Variants in DLGAP2 observed in about 807,000 individuals in gnomAD.
The protein encoded by DLGAP2 is DLG associated protein 2.
Under a neutral mutation model 100.3 loss-of-function variants are expected in DLGAP2, and 26 were observed. The ratio of observed to expected loss-of-function variants is 0.26; its 90% CI spans 0.19 to 0.36. DLGAP2 has a LOEUF of 0.36. DLGAP2 is among the 10% of genes least tolerant of loss of function. DLGAP2 has a pLI of 1.00. For missense variants in DLGAP2, 1,858 were observed against 1,453.2 expected, an observed-to-expected ratio of 1.28 and a Z score of -4.53; for synonymous variants, 886 against 630.1, an observed-to-expected ratio of 1.41 and a Z score of -6.08.
chr8:1,299,855 A>T (rs1337003051), intron 3 of DLGAP2: 2 of 152,212 alleles, frequency 1.3e-5, no homozygotes, highest in Non-Finnish European at 2.9e-5. Flanking sequence ...CTTTGTCTTA[A>T]TCTGCTGGAA....
intron 4 of DLGAP2, among the ~76,000 whole-genome samples, chr8:1,514,112 C>T (rs749300032): frequency 6.6e-6 from 1 of 152,212 alleles, no homozygotes; most frequent in Non-Finnish European, 1.5e-5. Flanking sequence ...CGTCTTGTGG[C>T]CACACGAGCA....
intron 4 of DLGAP2, among the ~76,000 whole-genome samples, chr8:1,502,341 A>T (rs570980713): frequency 6.6e-6 from 1 of 152,338 alleles, no homozygotes; most frequent in South Asian, 2.1e-4. Context: ...CAGTGCATCT[A>T]TTGCTGGTTT....
At chr8:1,280,321 C>T (rs1162922765) in intron 3 of DLGAP2, among the ~76,000 whole-genome samples, 1 of 152,136 alleles carries the variant, frequency 6.6e-6, no homozygotes, top group Non-Finnish European at 1.5e-5. Flanking sequence ...CCATCTATTT[C>T]CTTGAGATTA....
chr8:973,154 G>A (rs1203005852), intron 2 of DLGAP2, among the ~76,000 whole-genome samples: 19 of 152,188 alleles, frequency 1.2e-4, no homozygotes, highest in Non-Finnish European at 1.5e-4. Flanking sequence ...ATGGGGTGGC[G>A]GCAGGGCAGA....
chr8:1,269,877 G>A (rs1199214635), intron 3 of DLGAP2, among the ~76,000 whole-genome samples: 1 of 152,192 alleles, frequency 6.6e-6, no homozygotes, highest in Non-Finnish European at 1.5e-5. Context: ...GAAACTCGCT[G>A]AGTGACTCAT....
intron 1 of DLGAP2, chr8:739,774 T>C (rs1820435138): frequency 6.6e-6 from 1 of 152,346 alleles, no homozygotes; most frequent in East Asian, 1.9e-4. Flanking sequence ...TGTGACTTTT[T>C]CATTGCTTGG....
At chr8:1,278,849 A>C (rs1799759315) in intron 3 of DLGAP2, among the ~76,000 whole-genome samples, 1 of 152,182 alleles carries the variant, frequency 6.6e-6, no homozygotes, top group African/African-American at 2.4e-5. Flanking sequence ...TCCAGAGGAG[A>C]GGAAGACTAT....
intron 2 of DLGAP2, among the ~76,000 whole-genome samples, chr8:1,252,836 G>A (rs1799078228): frequency 6.6e-6 from 1 of 152,236 alleles, no homozygotes; most frequent in Non-Finnish European, 1.5e-5. Flanking sequence ...CCTGCCGTGT[G>A]CTCGGAGACT....
intron 1 of DLGAP2, among the ~76,000 whole-genome samples, chr8:855,817 T>C (rs1279957611): frequency 6.6e-6 from 1 of 152,166 alleles, no homozygotes; most frequent in African/African-American, 2.4e-5. Context: ...GTCATATTCA[T>C]AGATGCAGAA....
At chr8:1,420,569 A>G (rs1199912651) in intron 3 of DLGAP2, among the ~76,000 whole-genome samples, 1 of 152,186 alleles carries the variant, frequency 6.6e-6, no homozygotes, top group Non-Finnish European at 1.5e-5. Flanking sequence ...ACCTGAATAT[A>G]TTTAAAAATA....
At chr8:1,663,955 C>T (rs1211703909) in intron 8 of DLGAP2, among the ~76,000 whole-genome samples, 1 of 152,164 alleles carries the variant, frequency 6.6e-6, no homozygotes, top group Admixed American at 6.5e-5. Context: ...TGTGACCAGT[C>T]GGTTCAGCCC....
chr8:1,416,382 C>G (rs141012081), intron 3 of DLGAP2, among the ~76,000 whole-genome samples: 1 of 152,352 alleles, frequency 6.6e-6, no homozygotes, highest in Non-Finnish European at 1.5e-5. Flanking sequence ...AGGTTCAAAC[C>G]TCTGCAGTGC....
At chr8:1,278,885 T>G (rs1799760020) in intron 3 of DLGAP2, among the ~76,000 whole-genome samples, 1 of 152,216 alleles carries the variant, frequency 6.6e-6, no homozygotes, top group South Asian at 2.1e-4. Flanking sequence ...GACAATTTAA[T>G]GTTTAGGGGA....
intron 4 of DLGAP2, among the ~76,000 whole-genome samples, chr8:1,523,292 G>T (rs934913552): frequency 7.2e-5 from 11 of 152,232 alleles, no homozygotes; most frequent in Admixed American, 1.3e-4. Context: ...CAGGATGTGG[G>T]GATGGAAGGA....
intron 2 of DLGAP2, among the ~76,000 whole-genome samples, chr8:1,254,933 C>T (rs58936944): frequency 1.2e-3 from 155 of 133,712 alleles, no homozygotes; most frequent in Middle Eastern, 8.8e-3. Context: ...GTGTGTGTGC[C>T]CTCTCCTGCC....
intron 2 of DLGAP2, among the ~76,000 whole-genome samples, chr8:1,208,876 A>G (rs1036572610): frequency 2.1e-5 from 3 of 143,898 alleles, no homozygotes; most frequent in African/African-American, 8.2e-5. Context: ...AAATAAATAA[A>G]TAAATAAATA....
At chr8:883,898 T>G (rs1248307127) in intron 1 of DLGAP2, among the ~76,000 whole-genome samples, 1 of 152,208 alleles carries the variant, frequency 6.6e-6, no homozygotes, top group Non-Finnish European at 1.5e-5. Context: ...GTGTTGGGTT[T>G]TCTGTTTCTG....
intron 3 of DLGAP2, among the ~76,000 whole-genome samples, chr8:1,371,369 G>A (rs866646141): frequency 6.6e-6 from 1 of 152,202 alleles, no homozygotes; most frequent in African/African-American, 2.4e-5. Flanking sequence ...CAGGGCAGAG[G>A]TTCAGAGCAG....
At chr8:743,860 A>T (rs1820548272) in intron 1 of DLGAP2, among the ~76,000 whole-genome samples, 1 of 152,230 alleles carries the variant, frequency 6.6e-6, no homozygotes. Context: ...CCACTGCGCG[A>T]TGCCTTTTGC....
Sources: gnomAD v4.1 joint callset for allele counts (sites outside exome capture counted in the v4.1 genomes callset) on GRCh38, gnomAD v4.1.1 for gene constraint, MANE v1.5 for transcripts, NCBI Gene and HGNC (gene_info 2026-07-23, HGNC 2026-07-21) for gene names.